MTHFD1: variants seen among roughly 807,000 people sequenced by gnomAD.
MTHFD1 encodes methylenetetrahydrofolate dehydrogenase, cyclohydrolase and formyltetrahydrofolate synthetase 1.
MTHFD1 carries 44 observed loss-of-function variants against 110.3 expected under a neutral mutation model. The ratio of observed to expected loss-of-function variants is 0.40; its 90% CI spans 0.31 to 0.51. MTHFD1 has a LOEUF of 0.51. Among genes scored for constraint, MTHFD1 ranks in the 20% least tolerant of loss-of-function variants. MTHFD1 has a pLI of 0.60. For missense variants in MTHFD1, 909 were observed against 1,173.1 expected, an observed-to-expected ratio of 0.77 and a Z score of 3.29; for synonymous variants, 402 against 428.8, an observed-to-expected ratio of 0.94 and a Z score of 0.77.
Position 64,412,487 on chromosome 14 carries a change from A to T in MTHFD1, c.202A>T (p.Thr68Ser). The change falls in exon 4 of 28, where the codon ACT (threonine) becomes TCT (serine). Residue 68 changes from threonine (T) to serine (S), a missense_variant. By Grantham distance (58) the Thr-to-Ser change is moderately conservative. Around this residue, in one of 3 missense-constraint regions of MTHFD1, gnomAD observed 424 missense variants for 510.4 expected, o/e 0.83. Coordinates refer to ENST00000652337, the MANE Select transcript of MTHFD1 (RefSeq NM_005956.4). ...TGTTTTGCAGATTGGGATCAAAGCC[A>T]CTCACATTAAGTTACCAAGAACAAC... ...KAAEEIGIKA[T>S]HIKLPRTTTE... 1 of 1,613,562 alleles carries T rather than the reference A, an allele frequency of 6.2e-7. No homozygotes were observed. The highest frequency in any genetic ancestry group is 1.7e-5 in the Admixed American group (1 of 60,008).
At chr14:64,439,005 A>G (rs2078227615) in intron 16 of MTHFD1, 91 bp from the exon 17 acceptor site, 2 of 895,600 alleles carry the variant, frequency 2.2e-6, no homozygotes, top group South Asian at 2.7e-5. Context: ...CAATCATGAA[A>G]TTAGACTTAT....
rs762639941 is a variant in MTHFD1 at position 64,439,178 on chromosome 14, A to G, written c.1674+6A>G. On this transcript the variant is annotated splice_donor_region_variant and intron_variant, in intron 17 of 27. Coordinates refer to ENST00000652337, the MANE Select transcript of MTHFD1 (RefSeq NM_005956.4). ...AGAAGGGTCACACACGGACGGTAAC[A>G]ATTTGTCCCTTTCCAAGGAAATTAG... is the stretch of plus-strand genomic sequence containing the variant. 3.8e-5 allele frequency: 62 copies of G among 1,610,950 alleles called. No homozygotes were observed. The South Asian group carries it at 6.3e-4, about 16-fold the overall frequency.
chr14:64,450,026 G>A (rs1220628557), intron 24 of MTHFD1, among the ~76,000 whole-genome samples: 2 of 152,146 alleles, frequency 1.3e-5, no homozygotes, highest in Admixed American at 6.5e-5. Context: ...TCCTGACCTC[G>A]TGATCCACCT....
At chr14:64,437,914 C>T (rs898546795) in intron 16 of MTHFD1, among the ~76,000 whole-genome samples, 2 of 151,954 alleles carry the variant, frequency 1.3e-5, no homozygotes, top group Admixed American at 1.3e-4. Context: ...GTTCTTGTTG[C>T]CTAGGCTAGA....
At position 64,415,705 on chromosome 14, in the gene MTHFD1, G is replaced by T; in HGVS notation, c.444G>T (p.Thr148=). The T allele has an allele frequency of 1.2e-6, 2 of 1,613,900 alleles. No homozygotes were observed. The change falls in exon 6 of 28, where the codon ACG becomes ACT. Residue 148 remains threonine, a synonymous_variant. Transcript: ENST00000652337. ...TCAATGACTGTTTCATTCCTTGTAC[G>T]CCTAAGGGATGCTTGGAACTCATCA... The part of the protein sequence containing the change: ...GDLNDCFIPC[T]PKGCLELIKE...
intron 23 of MTHFD1, among the ~76,000 whole-genome samples, chr14:64,448,948 T>C (rs573331893): frequency 4.1e-4 from 62 of 152,190 alleles, no homozygotes; most frequent in African/African-American, 7.0e-4. Flanking sequence ...TACAGGTGCC[T>C]GCCACCATGC....
chr14:64,439,461 C>T, intron 17 of MTHFD1: 1 of 468,770 alleles, frequency 2.1e-6, no homozygotes. Context: ...TTTTTTGTGG[C>T]CATTTCACTG....
chr14:64,440,412 G>A (rs1317481949), intron 18 of MTHFD1, 146 bp downstream of exon 18: 11 of 996,774 alleles, frequency 1.1e-5, no homozygotes, highest in Non-Finnish European at 1.7e-5. Flanking sequence ...CTAATTACAA[G>A]ATAATTATGA....
At chr14:64,429,126 G>C (rs545190353) in intron 12 of MTHFD1, among the ~76,000 whole-genome samples, 1 of 151,162 alleles carries the variant, frequency 6.6e-6, no homozygotes, top group African/African-American at 2.4e-5. Context: ...CCAGGAGTTC[G>C]AGACCAGCCA....
chr14:64,404,746 A>G (rs1256314028), intron 2 of MTHFD1, among the ~76,000 whole-genome samples: 1 of 152,104 alleles, frequency 6.6e-6, no homozygotes, highest in Non-Finnish European at 1.5e-5. Context: ...TAAGGCGGGT[A>G]GATCACTTAA....
At position 64,441,334 on chromosome 14, in the gene MTHFD1, G is replaced by A. The variant is rs199830221; in HGVS notation, c.1816-51G>A. ...GAATGTCAAATATTGGTTTCAGAAGGTTGGGTTTTTTTGCTGGTGGGAGTT... is the reference window on the plus strand; with the variant it reads ...GAATGTCAAATATTGGTTTCAGAAGATTGGGTTTTTTTGCTGGTGGGAGTT... On this transcript the variant is annotated intron_variant, in intron 18 of 27. Transcript: ENST00000652337. The A allele has an allele frequency of 1.2e-5, 19 of 1,560,802 alleles. No homozygotes were observed. In the African/African-American group the frequency reaches 2.6e-4, roughly 21 times the overall value.
At chr14:64,425,077 T>A in intron 9 of MTHFD1, 146 bp downstream of exon 9, 1 of 1,027,652 alleles carries the variant, frequency 9.7e-7, no homozygotes, top group Non-Finnish European at 1.4e-6. Context: ...AATAGAGAAA[T>A]AAGATCAGGC....
intron 2 of MTHFD1, among the ~76,000 whole-genome samples, chr14:64,404,465 T>C (rs946321105): frequency 1.3e-5 from 2 of 152,150 alleles, no homozygotes; most frequent in Admixed American, 1.3e-4. Flanking sequence ...ATTCACCCAG[T>C]AGGGAGATAT....
chr14:64,416,217 C>T (rs2078025022), intron 6 of MTHFD1, among the ~76,000 whole-genome samples: 1 of 152,084 alleles, frequency 6.6e-6, no homozygotes, highest in South Asian at 2.1e-4. Context: ...TGCACTCCAG[C>T]CTGGGCAACA....
At chr14:64,434,673 T>C (rs1221603856) in intron 15 of MTHFD1, among the ~76,000 whole-genome samples, 1 of 152,210 alleles carries the variant, frequency 6.6e-6, no homozygotes, top group Non-Finnish European at 1.5e-5. Flanking sequence ...TGTATACTTA[T>C]GTTTCCATGA....
chr14:64,413,968 T>A (rs982747670), intron 4 of MTHFD1, among the ~76,000 whole-genome samples: 2 of 152,214 alleles, frequency 1.3e-5, no homozygotes, highest in African/African-American at 2.4e-5. Context: ...CAGCTGGGAC[T>A]ATAGGCATGA....
At chr14:64,423,969 C>T (rs765093649) in intron 8 of MTHFD1, among the ~76,000 whole-genome samples, 20 of 152,218 alleles carry the variant, frequency 1.3e-4, no homozygotes, top group African/African-American at 3.1e-4. Flanking sequence ...TCTGGTGATC[C>T]GCCCGCCTCG....
In MTHFD1 at chr14:64,430,291, C is replaced by T. The variant is rs144726842; in HGVS notation, c.1311+61C>T. The stretch of plus-strand genomic sequence containing the variant: ...CCTTTTTTTGTCGGGGGGGAGGGTG[C>T]TGAATTAGCTCCCTTTTTTTCCCCA... On this transcript the variant is annotated intron_variant, in intron 13 of 27. Coordinates refer to ENST00000652337, the MANE Select transcript of MTHFD1 (RefSeq NM_005956.4). 6.9e-6 allele frequency: 10 copies of T among 1,440,078 alleles called. No homozygotes were observed. The African/African-American group carries it at 1.1e-4, about 16-fold the overall frequency. 89.2% of individuals were successfully genotyped at this position (1,440,078 alleles called of 1,614,324 possible). A position where few individuals can be genotyped will look rare whatever the true frequency, so the allele number is the denominator to read the frequency against.
At chr14:64,451,942 T>C (rs1320887997) in intron 24 of MTHFD1, among the ~76,000 whole-genome samples, 3 of 152,236 alleles carry the variant, frequency 2.0e-5, no homozygotes, top group African/African-American at 7.2e-5. Context: ...CCTTCATAAA[T>C]TATCATTGTT....
Sources: allele counts gnomAD v4.1 joint callset (sites outside exome capture counted in the v4.1 genomes callset), GRCh38; gene constraint gnomAD v4.1.1; regional missense constraint gnomAD v4.1.1; transcripts MANE v1.5; gene names NCBI Gene and HGNC (gene_info 2026-07-23, HGNC 2026-07-21).